CDC14B: variants seen among roughly 807,000 people sequenced by gnomAD.
CDC14B encodes dual specificity protein phosphatase CDC14B.
A neutral mutation model predicts 64.2 loss-of-function variants in CDC14B; 22 were observed. The ratio of observed to expected loss-of-function variants is 0.34; its 90% confidence interval spans 0.24 to 0.49. The LOEUF (loss-of-function observed/expected upper bound fraction) is 0.49, where lower values mean the gene tolerates loss of function less well. Among genes scored for constraint, CDC14B ranks in the 20% least tolerant of loss-of-function variants. CDC14B has a pLI of 0.99. For synonymous variants in CDC14B, 191 were observed against 215.8 expected (o/e 0.89, Z 1.01); for missense variants, 498 against 629.9 (o/e 0.79, Z 2.24).
intron 7 of CDC14B, chr9:96,538,813 C>A: frequency 3.4e-6 from 1 of 290,776 alleles, no homozygotes; most frequent in Non-Finnish European, 6.4e-6. Flanking sequence ...TAAGTAAATT[C>A]TGGAGATCTA....
intron 1 of CDC14B, among the ~76,000 whole-genome samples, chr9:96,617,846 G>A (rs935071958): frequency 2.6e-5 from 4 of 152,164 alleles, no homozygotes; most frequent in African/African-American, 9.7e-5. Context: ...CCTTTCAAGA[G>A]GTATAAACAA....
chr9:96,525,134 A>G (rs981524193), intron 9 of CDC14B, among the ~76,000 whole-genome samples: 1 of 152,174 alleles, frequency 6.6e-6, no homozygotes, highest in Non-Finnish European at 1.5e-5. Flanking sequence ...CAGGCTATCC[A>G]TATTGCAAAA....
intron 6 of CDC14B, 28 bp downstream of exon 6, chr9:96,541,798 C>T: frequency 6.5e-7 from 1 of 1,542,102 alleles, no homozygotes; most frequent in Non-Finnish European, 8.9e-7. Flanking sequence ...CTCAACACAA[C>T]ACTGGGTGCA....
intron 12 of CDC14B, chr9:96,514,734 C>T (rs1423117185): frequency 3.1e-5 from 31 of 985,314 alleles, no homozygotes; most frequent in African/African-American, 1.2e-4. Flanking sequence ...GAAGGAAGAA[C>T]GCAGCTCAGA....
chr9:96,514,758 C>T (rs998407806), intron 12 of CDC14B: 19 of 985,328 alleles, frequency 1.9e-5, no homozygotes, highest in Admixed American at 6.1e-5. Flanking sequence ...AGAAGGGTGG[C>T]GGTGGACCCC....
chr9:96,551,555 G>C (rs1476334667), intron 5 of CDC14B, among the ~76,000 whole-genome samples: 1 of 152,048 alleles, frequency 6.6e-6, no homozygotes, highest in Non-Finnish European at 1.5e-5. Flanking sequence ...GTGGGTGTGG[G>C]GATTTTACCA....
chr9:96,581,825 C>T (rs1412934191), intron 1 of CDC14B, among the ~76,000 whole-genome samples: 2 of 152,172 alleles, frequency 1.3e-5, no homozygotes, highest in Non-Finnish European at 2.9e-5. Flanking sequence ...CAGCTATTTC[C>T]TGCCAGGACA....
intron 4 of CDC14B, among the ~76,000 whole-genome samples, chr9:96,559,229 GTA>G (rs1345966425): frequency 6.6e-6 from 1 of 152,166 alleles, no homozygotes; most frequent in Non-Finnish European, 1.5e-5. Flanking sequence ...GTCTTTCTGT[GTA>G]TACAAGGATG....
At chr9:96,516,484 T>G (rs2131410005) in intron 12 of CDC14B, among the ~76,000 whole-genome samples, 1 of 152,170 alleles carries the variant, frequency 6.6e-6, no homozygotes, top group African/African-American at 2.4e-5. Context: ...ATTTTTTAAT[T>G]ATTATAATTT....
At chr9:96,524,434 G>A (rs1195679175) in intron 9 of CDC14B, among the ~76,000 whole-genome samples, 1 of 152,162 alleles carries the variant, frequency 6.6e-6, no homozygotes, top group Admixed American at 6.5e-5. Context: ...CCAAAGGCTT[G>A]TAATTTTGCA....
Position 96,564,995 on chromosome 9 carries a change from T to C in CDC14B, c.252-143A>G, listed in dbSNP as rs182273477. The C allele has an allele frequency of 1.4e-5, 8 of 569,432 alleles. No homozygotes were observed. In the East Asian group the frequency reaches 2.4e-4, roughly 17 times the overall value. The allele number at this position is 569,432 out of a possible 1,614,324, so 35.3% of individuals were successfully genotyped here. A position where few individuals can be genotyped will look rare whatever the true frequency, so the allele number is the denominator to read the frequency against. ...CCAATACAACTTAAAGGTACTGTTT[T>C]ACTGGTGGAAGACTATTCTGGTAAA... On this transcript the variant is annotated intron_variant, in intron 2 of 13. Transcript: ENST00000375241.
chr9:96,529,924 G>T (rs543945817), intron 9 of CDC14B, among the ~76,000 whole-genome samples: 2 of 152,236 alleles, frequency 1.3e-5, no homozygotes, highest in South Asian at 2.1e-4. Context: ...TGCAAGAAAT[G>T]TTGAAATTTT....
chr9:96,618,704 C>G (rs1341823944), intron 1 of CDC14B: 2 of 434,706 alleles, frequency 4.6e-6, no homozygotes, highest in Non-Finnish European at 9.0e-6. Context: ...ACGGGCAACG[C>G]GGCGCCCAGG....
rs1840415008 is a variant in CDC14B, at chr9:96,543,768, C to T, written c.498-1876G>A. Among the ~76,000 whole-genome samples the T allele has an allele frequency of 6.6e-5, 10 of 152,112 alleles. No homozygotes were observed. The South Asian group carries it at 2.1e-3, about 32-fold the overall frequency. On this transcript the variant is annotated intron_variant, in intron 5 of 13. Coordinates refer to ENST00000375241, the MANE Select transcript of CDC14B (RefSeq NM_033331.4). ...AAGCTAGGCATGCAGAAAAACTGTGCCTATCTGAATGGTACTCATTTGCTC... is the reference window on the plus strand; with the variant it reads ...AAGCTAGGCATGCAGAAAAACTGTGTCTATCTGAATGGTACTCATTTGCTC...
At chr9:96,498,940 A>G (rs1264772930), downstream of CDC14B, among the ~76,000 whole-genome samples, 1 of 152,242 alleles carries the variant, frequency 6.6e-6, no homozygotes, top group Non-Finnish European at 1.5e-5. Context: ...GCTGCCTCCC[A>G]GCCACAGGCC....
intron 1 of CDC14B, among the ~76,000 whole-genome samples, chr9:96,592,951 T>A (rs1322241218): frequency 1.3e-5 from 2 of 152,186 alleles, no homozygotes; most frequent in East Asian, 3.8e-4. Flanking sequence ...TTATGGAGGT[T>A]ACAATAACTC....
chr9:96,569,583 G>A (rs1844352675), intron 1 of CDC14B, among the ~76,000 whole-genome samples: 2 of 152,148 alleles, frequency 1.3e-5, no homozygotes, highest in African/African-American at 4.8e-5. Context: ...CTATGGTGCT[G>A]GGTTGAGGGC....
In CDC14B at chr9:96,534,542, T is replaced by C. The variant is rs763031666; in HGVS notation, c.628A>G (p.Lys210Glu). Residue 210 changes from lysine to glutamate, a missense_variant and splice_region_variant, in exon 8 of 14, where the codon AAA becomes GAA. Lys to Glu is a moderately conservative substitution (Grantham distance 56). Coordinates refer to ENST00000375241, the MANE Select transcript of CDC14B (RefSeq NM_033331.4). ...FNLDEYEHYEKAENGDLNWII... is the reference protein window; with the variant it reads ...FNLDEYEHYEEAENGDLNWII... The stretch of plus-strand genomic sequence containing the variant: ...CAATTTAAATCTCCATTTTCTGCTT[T>C]CTGCAAGGGGAAGACCAGCACAATT... 5.6e-6 allele frequency: 9 copies of C among 1,606,568 alleles called. No individual in the cohort carries two copies. The highest frequency in any genetic ancestry group is 1.7e-5 in the Admixed American group (1 of 59,916).
intron 3 of CDC14B, 96 bp from the exon 4 acceptor site, chr9:96,562,881 C>T (rs1843408961): frequency 2.5e-6 from 2 of 800,340 alleles, no homozygotes; most frequent in African/African-American, 1.7e-5. Flanking sequence ...ATCCCATAAC[C>T]ATTCATATTA....
Sources: allele counts gnomAD v4.1 joint callset (sites outside exome capture counted in the v4.1 genomes callset), GRCh38; gene constraint gnomAD v4.1.1; transcripts MANE v1.5; gene names NCBI Gene and HGNC (gene_info 2026-07-23, HGNC 2026-07-21).